Variants in SLC4A8 observed in about 807,000 individuals in gnomAD.
SLC4A8 encodes solute carrier family 4 member 8, also known as electroneutral sodium bicarbonate exchanger 1.
Under a neutral mutation model 125.0 loss-of-function variants are expected in SLC4A8, and 40 were observed. The ratio of observed to expected loss-of-function variants is 0.32; its 90% confidence interval spans 0.25 to 0.42. The LOEUF is 0.42. Ranked by LOEUF, SLC4A8 falls within the 10% of genes least tolerant of loss-of-function variation. The pLI, the probability that SLC4A8 is intolerant of heterozygous loss-of-function variation, is 1.00. For missense variants in SLC4A8, 863 were observed against 1,355.1 expected (o/e 0.64, Z 5.70); for synonymous variants, 456 against 476.0 (o/e 0.96, Z 0.55).
chr12:51,492,591 G>A (rs939350682), intron 19 of SLC4A8, among the ~76,000 whole-genome samples: 4 of 152,162 alleles, frequency 2.6e-5, no homozygotes, highest in Non-Finnish European at 4.4e-5. Context: ...CAACTATTCA[G>A]TAGTTCACAA....
intron 1 of SLC4A8, among the ~76,000 whole-genome samples, chr12:51,402,073 G>A (rs10876172): frequency 0.91 from 138,588 of 152,274 alleles, 63,231 homozygotes; most frequent in Non-Finnish European, 0.94. Flanking sequence ...TGGCCCCTTC[G>A]TATCTTAACC....
At chr12:51,496,030 A>T (rs1177503010) in intron 21 of SLC4A8, among the ~76,000 whole-genome samples, 1 of 151,544 alleles carries the variant, frequency 6.6e-6, no homozygotes, top group Non-Finnish European at 1.5e-5. Context: ...TGGAAATTCT[A>T]TCTTTAATTT....
Position 51,469,736 on chromosome 12 carries a change from C to T in SLC4A8, c.1472C>T (p.Ser491Leu). 6.2e-7 allele frequency: 1 copy of T among 1,614,090 alleles called. No homozygotes were observed. Among genetic ancestry groups the T allele is most frequent in the Non-Finnish European group, 8.5e-7 (1 of 1,180,034 alleles). ...CTGTTCCTGTACTGTGCCTGCATGT[C>T]ACCTGTCATCACCTTTGGGGGACTG... Reference protein sequence around the residue: ...SFLFLYCACMSPVITFGGLLG... With the variant: ...SFLFLYCACMLPVITFGGLLG... Residue 491 changes from serine to leucine, a missense_variant, in exon 12 of 25, where the codon TCA (serine) becomes TTA (leucine). Physicochemically the swap from Ser to Leu is moderately radical, Grantham distance 145. Around this residue, in one of 6 missense-constraint regions of SLC4A8, gnomAD observed 390 missense variants for 634.4 expected, o/e 0.61. Coordinates refer to ENST00000453097, the MANE Select transcript of SLC4A8 (RefSeq NM_001039960.3).
At chr12:51,407,691 T>G (rs1948515104) in intron 1 of SLC4A8, 1 of 152,320 alleles carries the variant, frequency 6.6e-6, no homozygotes, top group Non-Finnish European at 1.5e-5. Flanking sequence ...CAAAATTGCC[T>G]GCATAAACTC....
At chr12:51,503,230 T>A (rs1172463460) in intron 22 of SLC4A8, among the ~76,000 whole-genome samples, 6 of 124,902 alleles carry the variant, frequency 4.8e-5, no homozygotes, top group African/African-American at 1.7e-4. Flanking sequence ...TTTTTTATTT[T>A]TATTTTTTTT....
intron 1 of SLC4A8, among the ~76,000 whole-genome samples, chr12:51,430,818 G>A (rs1329307025): frequency 1.3e-5 from 2 of 152,174 alleles, no homozygotes; most frequent in Non-Finnish European, 1.5e-5. Context: ...ATAATGGAGA[G>A]GTTGGTTGTT....
At chr12:51,478,778 G>A (rs1477062690) in intron 16 of SLC4A8, among the ~76,000 whole-genome samples, 1 of 152,216 alleles carries the variant, frequency 6.6e-6, no homozygotes, top group East Asian at 1.9e-4. Context: ...ATTGGATTAG[G>A]ATGTGGTGAA....
At chr12:51,468,872 C>T (rs1158539472) in intron 11 of SLC4A8, among the ~76,000 whole-genome samples, 2 of 152,206 alleles carry the variant, frequency 1.3e-5, no homozygotes, top group Non-Finnish European at 2.9e-5. Context: ...CCACTCATAT[C>T]TCTCAGCACC....
chr12:51,495,026 A>G lies in SLC4A8; in HGVS notation c.2851A>G (p.Lys951Glu). The G allele has an allele frequency of 6.2e-7, 1 of 1,614,174 alleles. No individual in the cohort carries two copies. The highest frequency in any genetic ancestry group is 1.1e-5 in the South Asian group (1 of 91,086). Residue 951 changes from lysine to glutamate, a missense_variant, in exon 21 of 25, where the codon AAA (lysine) becomes GAA (glutamate). Lys to Glu is a moderately conservative substitution (Grantham distance 56). Around this residue, in one of 6 missense-constraint regions of SLC4A8, gnomAD observed 197 missense variants for 377.7 expected, o/e 0.52. Transcript: ENST00000453097. The stretch of plus-strand genomic sequence containing the variant: ...CTACCTGCGGCATGTGCCGCTGCGC[A>G]AAGTGCACCTCTTCACCCTCATCCA... ...FIYLRHVPLR[K>E]VHLFTLIQLT...
At chr12:51,506,068 A>G (rs1938155533) in intron 24 of SLC4A8, 138 bp downstream of exon 24, 1 of 592,490 alleles carries the variant, frequency 1.7e-6, no homozygotes, top group Middle Eastern at 4.4e-4. Flanking sequence ...CTAACCACAT[A>G]AGAATAGCTA....
At chr12:51,414,314 T>G (rs1379342018) in intron 1 of SLC4A8, among the ~76,000 whole-genome samples, 2 of 152,026 alleles carry the variant, frequency 1.3e-5, no homozygotes, top group Non-Finnish European at 1.5e-5. Flanking sequence ...GTTCTAAGAG[T>G]TTTTTGGTGG....
chr12:51,498,425 A>G (rs1223515357), intron 22 of SLC4A8, among the ~76,000 whole-genome samples: 3 of 152,144 alleles, frequency 2.0e-5, no homozygotes, highest in African/African-American at 4.8e-5. Context: ...ATTGTGCAGC[A>G]TCTGGATTTT....
At chr12:51,459,396 G>A (rs1399799264) in intron 7 of SLC4A8, among the ~76,000 whole-genome samples, 2 of 152,044 alleles carry the variant, frequency 1.3e-5, no homozygotes, top group African/African-American at 4.8e-5. Flanking sequence ...TACCTTAAAA[G>A]CTCTGTGGTC....
At chr12:51,411,239 T>C (rs555435837) in intron 1 of SLC4A8, among the ~76,000 whole-genome samples, 1 of 152,242 alleles carries the variant, frequency 6.6e-6, no homozygotes, top group African/African-American at 2.4e-5. Context: ...TCTTTTCTGA[T>C]GCTCTATTGC....
chr12:51,475,289 G>A, intron 16 of SLC4A8, 83 bp downstream of exon 16: 1 of 1,391,190 alleles, frequency 7.2e-7, no homozygotes. Context: ...TGCTTATGGG[G>A]TTGATTGGCC....
At chr12:51,433,965 C>T (rs527668865) in intron 1 of SLC4A8, among the ~76,000 whole-genome samples, 1 of 150,896 alleles carries the variant, frequency 6.6e-6, no homozygotes, top group South Asian at 2.1e-4. Flanking sequence ...GCCTCCAACT[C>T]CTGGGCTCGA....
chr12:51,415,409 A>G (rs1393920046), intron 1 of SLC4A8, among the ~76,000 whole-genome samples: 1 of 152,054 alleles, frequency 6.6e-6, no homozygotes, highest in Admixed American at 6.6e-5. Flanking sequence ...TACTGATTCA[A>G]TCCTGGTATC....
intron 21 of SLC4A8, among the ~76,000 whole-genome samples, chr12:51,495,747 G>A (rs1303872571): frequency 1.3e-5 from 2 of 151,886 alleles, no homozygotes; most frequent in South Asian, 2.1e-4. Flanking sequence ...CTCCCAAAGT[G>A]CTGGGATTAC....
intron 1 of SLC4A8, among the ~76,000 whole-genome samples, chr12:51,407,291 C>T (rs964491622): frequency 1.3e-5 from 2 of 152,142 alleles, no homozygotes; most frequent in African/African-American, 2.4e-5. Context: ...TGAAGTTTTG[C>T]TCTGTTGCCC....
Sources: allele counts gnomAD v4.1 joint callset (sites outside exome capture counted in the v4.1 genomes callset), GRCh38; gene constraint gnomAD v4.1.1; regional missense constraint gnomAD v4.1.1; transcripts MANE v1.5; gene names NCBI Gene and HGNC (gene_info 2026-07-23, HGNC 2026-07-21).